Variants in CFAP299 observed in about 807,000 individuals in gnomAD.
The protein encoded by CFAP299 is cilia- and flagella-associated protein 299.
CFAP299 carries 21 observed loss-of-function variants against 27.0 expected under a neutral mutation model. That is an observed-to-expected ratio of 0.78 (90% confidence interval 0.55 to 1.12). The LOEUF (loss-of-function observed/expected upper bound fraction) is 1.12. CFAP299 is among the 50% of genes most tolerant of loss of function. The pLI, the probability that CFAP299 is intolerant of heterozygous loss-of-function variation, is 0.00. For synonymous variants in CFAP299, 104 were observed against 98.1 expected (o/e 1.06, Z -0.36); for missense variants, 310 against 276.6 (o/e 1.12, Z -0.86).
chr4:80,874,868 G>A (rs183953874), intron 4 of CFAP299, among the ~76,000 whole-genome samples: 106 of 152,142 alleles, frequency 7.0e-4, no homozygotes, highest in African/African-American at 2.5e-3. Flanking sequence ...CTTGAATTAA[G>A]ATGTACTGTG....
At chr4:80,746,215 C>G (rs1343177602) in intron 3 of CFAP299, among the ~76,000 whole-genome samples, 1 of 151,856 alleles carries the variant, frequency 6.6e-6, no homozygotes, top group Non-Finnish European at 1.5e-5. Flanking sequence ...AGCCAAGGGC[C>G]ACCTTCTACT....
At chr4:80,435,628 G>A (rs1392230780) in intron 2 of CFAP299, among the ~76,000 whole-genome samples, 1 of 152,162 alleles carries the variant, frequency 6.6e-6, no homozygotes, top group Non-Finnish European at 1.5e-5. Context: ...TCATGGCAAG[G>A]GAGGACACAA....
intron 3 of CFAP299, among the ~76,000 whole-genome samples, chr4:80,767,361 G>A (rs2110081583): frequency 6.6e-6 from 1 of 152,250 alleles, no homozygotes; most frequent in Admixed American, 6.5e-5. Context: ...TGTAATCCCA[G>A]CACTTTGGGA....
At chr4:80,502,742 C>T (rs532841968) in intron 2 of CFAP299, among the ~76,000 whole-genome samples, 2 of 152,044 alleles carry the variant, frequency 1.3e-5, no homozygotes, top group Non-Finnish European at 2.9e-5. Flanking sequence ...TGGTATTTCT[C>T]GTCCACTTCT....
intron 2 of CFAP299, among the ~76,000 whole-genome samples, chr4:80,399,966 C>T (rs1726050850): frequency 6.7e-6 from 1 of 150,358 alleles, no homozygotes; most frequent in Non-Finnish European, 1.5e-5. Context: ...TATATTACAT[C>T]CTTGAAAGTA....
At chr4:80,628,859 C>T (rs548060640) in intron 3 of CFAP299, among the ~76,000 whole-genome samples, 9 of 152,220 alleles carry the variant, frequency 5.9e-5, no homozygotes, top group South Asian at 2.1e-4. Flanking sequence ...AACCCTTGCA[C>T]GCTGTTGGTG....
chr4:80,861,474 G>T (rs1008693381), intron 3 of CFAP299, among the ~76,000 whole-genome samples: 1 of 152,164 alleles, frequency 6.6e-6, no homozygotes, highest in Non-Finnish European at 1.5e-5. Context: ...ACCTCAGATG[G>T]AAATGCAGAA....
chr4:80,624,535 A>G (rs1738781480), intron 3 of CFAP299, among the ~76,000 whole-genome samples: 1 of 152,036 alleles, frequency 6.6e-6, no homozygotes, highest in South Asian at 2.1e-4. Context: ...AGGGAATACA[A>G]TTAAAAAAAG....
chr4:80,552,820 T>TA (rs1734590946), intron 2 of CFAP299, among the ~76,000 whole-genome samples: 1 of 151,954 alleles, frequency 6.6e-6, no homozygotes, highest in Admixed American at 6.6e-5. Flanking sequence ...CTCAAGTAGC[T>TA]AAGACAACAG....
chr4:80,516,428 C>T (rs1000993442), intron 2 of CFAP299, among the ~76,000 whole-genome samples: 2 of 152,140 alleles, frequency 1.3e-5, no homozygotes, highest in African/African-American at 4.8e-5. Context: ...GCTCAAGCAT[C>T]TGCTTCTGGT....
intron 2 of CFAP299, among the ~76,000 whole-genome samples, chr4:80,390,593 G>A (rs13150755): frequency 7.6e-6 from 1 of 132,202 alleles, no homozygotes; most frequent in African/African-American, 3.0e-5. Context: ...ATGTATATAT[G>A]TATATATGTA....
upstream of CFAP299, among the ~76,000 whole-genome samples, chr4:80,331,076 T>C (rs1379433807): frequency 2.6e-5 from 4 of 152,140 alleles, no homozygotes; most frequent in Non-Finnish European, 5.9e-5. Context: ...TATATCTTGA[T>C]CTCTATACCG....
chr4:80,503,849 A>C (rs925947568), intron 2 of CFAP299, among the ~76,000 whole-genome samples: 2 of 152,134 alleles, frequency 1.3e-5, no homozygotes, highest in South Asian at 4.1e-4. Context: ...ATTAATGTTC[A>C]GTCTTTAGTT....
At chr4:80,794,564 T>G (rs1456989290) in intron 3 of CFAP299, among the ~76,000 whole-genome samples, 2 of 152,174 alleles carry the variant, frequency 1.3e-5, no homozygotes, top group African/African-American at 4.8e-5. Context: ...TCAATCCAGC[T>G]GCTTCAGGAT....
At chr4:80,694,114 A>G (rs62302207) in intron 3 of CFAP299, among the ~76,000 whole-genome samples, 4,617 of 152,320 alleles carry the variant, frequency 0.03, 111 homozygotes, top group Non-Finnish European at 0.049. Flanking sequence ...TGGAAATACA[A>G]CAGTTGATTT....
At chr4:80,465,769 C>T (rs1394328675) in intron 2 of CFAP299, among the ~76,000 whole-genome samples, 1 of 152,176 alleles carries the variant, frequency 6.6e-6, no homozygotes, top group East Asian at 1.9e-4. Context: ...ACTTCCAACA[C>T]ATTTTGGAGC....
chr4:80,356,119 T>G (rs898472932), intron 1 of CFAP299, among the ~76,000 whole-genome samples: 4 of 143,556 alleles, frequency 2.8e-5, no homozygotes, highest in Non-Finnish European at 6.1e-5. Flanking sequence ...TTTTTTTTTT[T>G]GTCAGATTTA....
At chr4:80,564,046 T>G (rs1735165761) in intron 2 of CFAP299, among the ~76,000 whole-genome samples, 1 of 151,888 alleles carries the variant, frequency 6.6e-6, no homozygotes, top group African/African-American at 2.4e-5. Flanking sequence ...ATAAAAAATC[T>G]CCTAGTAAAG....
At chr4:80,538,623 G>A (rs1018456678) in intron 2 of CFAP299, among the ~76,000 whole-genome samples, 4 of 150,482 alleles carry the variant, frequency 2.7e-5, no homozygotes, top group African/African-American at 9.8e-5. Context: ...TAAATACATA[G>A]ATACTTACCT....
Sources: gnomAD v4.1 joint callset for allele counts (sites outside exome capture counted in the v4.1 genomes callset) on GRCh38, gnomAD v4.1.1 for gene constraint, MANE v1.5 for transcripts, NCBI Gene and HGNC (gene_info 2026-07-23, HGNC 2026-07-21) for gene names.